The following RABGAP1L variants were observed in gnomAD, a reference collection of about 807,000 sequenced individuals.
RABGAP1L encodes RAB GTPase activating protein 1 like, also known as rab GTPase-activating protein 1-like.
In RABGAP1L, 63 loss-of-function variants were observed where a neutral mutation model predicts 137.7. The ratio of observed to expected loss-of-function variants is 0.46; its 90% CI spans 0.37 to 0.56. The LOEUF (loss-of-function observed/expected upper bound fraction) is 0.56. Among genes scored for constraint, RABGAP1L ranks in the 20% least tolerant of loss-of-function variants. RABGAP1L has a pLI of 0.00. For missense variants in RABGAP1L, 1,095 were observed against 1,244.0 expected (o/e 0.88, Z 1.80); for synonymous variants, 431 against 433.7 (o/e 0.99, Z 0.08).
intron 18 of RABGAP1L, among the ~76,000 whole-genome samples, chr1:174,778,482 A>G (rs1292901167): frequency 6.6e-6 from 1 of 152,144 alleles, no homozygotes; most frequent in Non-Finnish European, 1.5e-5. Context: ...AATGGTACCT[A>G]TGTGGGTAAA....
chr1:174,880,989 A>G (rs569953071), intron 19 of RABGAP1L, among the ~76,000 whole-genome samples: 3 of 152,312 alleles, frequency 2.0e-5, no homozygotes, highest in Non-Finnish European at 4.4e-5. Flanking sequence ...GCAGCAGAGT[A>G]TAGAGGACAG....
intron 19 of RABGAP1L, among the ~76,000 whole-genome samples, chr1:174,891,387 G>A (rs1656112950): frequency 6.6e-6 from 1 of 152,124 alleles, no homozygotes; most frequent in South Asian, 2.1e-4. Context: ...TTTTGAGTAG[G>A]GAAATGATAT....
Position 174,988,629 on chromosome 1 carries a change from T to C in RABGAP1L, c.2806-12T>C. The C allele has an allele frequency of 6.6e-7, 1 of 1,509,522 alleles. No homozygotes were observed. The highest frequency in any genetic ancestry group is 1.3e-5 in the South Asian group (1 of 77,228). 93.5% of individuals were successfully genotyped at this position (1,509,522 alleles called of 1,614,324 possible). On this transcript the variant is annotated splice_polypyrimidine_tract_variant and intron_variant, in intron 24 of 25. Coordinates refer to ENST00000681986, the MANE Select transcript of RABGAP1L (RefSeq NM_001366446.1). Reference sequence around the variant, plus strand: ...ATAGTTTGATGTTGGTTATCTCTTTTGGATACTTTAGGGTAAGATGATGGC... The same window carrying C: ...ATAGTTTGATGTTGGTTATCTCTTTCGGATACTTTAGGGTAAGATGATGGC...
At chr1:174,890,841 C>T (rs1656015388) in intron 19 of RABGAP1L, among the ~76,000 whole-genome samples, 1 of 152,128 alleles carries the variant, frequency 6.6e-6, no homozygotes, top group African/African-American at 2.4e-5. Flanking sequence ...CATAGTATTT[C>T]ACTGTATAGA....
At chr1:174,291,783 C>T (rs528829195) in intron 10 of RABGAP1L, among the ~76,000 whole-genome samples, 3 of 151,678 alleles carry the variant, frequency 2.0e-5, no homozygotes, top group Non-Finnish European at 4.4e-5. Flanking sequence ...GTAGGATCTT[C>T]CTTTATTCCT....
chr1:174,786,856 G>A (rs1311654163), intron 18 of RABGAP1L, among the ~76,000 whole-genome samples: 1 of 151,880 alleles, frequency 6.6e-6, no homozygotes, highest in African/African-American at 2.4e-5. Flanking sequence ...ATTTCTTCAC[G>A]TGAGCATCAT....
intron 13 of RABGAP1L, among the ~76,000 whole-genome samples, chr1:174,424,351 TCA>T (rs879589501): frequency 1.3e-5 from 2 of 152,154 alleles, no homozygotes; most frequent in Non-Finnish European, 2.9e-5. Flanking sequence ...TTTTCTGTTC[TCA>T]GTGTGATGTT....
intron 13 of RABGAP1L, among the ~76,000 whole-genome samples, chr1:174,519,763 G>T (rs1663205006): frequency 6.6e-6 from 1 of 152,142 alleles, no homozygotes; most frequent in Non-Finnish European, 1.5e-5. Flanking sequence ...ATTGCTAACT[G>T]TGCGTAGGTT....
intron 18 of RABGAP1L, among the ~76,000 whole-genome samples, chr1:174,811,380 G>A (rs1472563544): frequency 2.0e-5 from 3 of 152,106 alleles, no homozygotes; most frequent in Non-Finnish European, 4.4e-5. Flanking sequence ...CTTCCCATTA[G>A]GTGTTTATTG....
At chr1:174,326,006 G>T (rs766396451) in intron 11 of RABGAP1L, among the ~76,000 whole-genome samples, 15 of 152,160 alleles carry the variant, frequency 9.9e-5, no homozygotes, top group Non-Finnish European at 4.4e-5. Flanking sequence ...GTCTAACCTG[G>T]GCTTAGGGTG....
intron 13 of RABGAP1L, among the ~76,000 whole-genome samples, chr1:174,476,765 G>C (rs565786469): frequency 1.3e-5 from 2 of 152,312 alleles, no homozygotes; most frequent in Admixed American, 1.3e-4. Flanking sequence ...TTCAGCAGCA[G>C]CACAAACCAA....
At chr1:174,550,999 C>CACATATATATAT (rs1349225848) in intron 13 of RABGAP1L, among the ~76,000 whole-genome samples, 1 of 86,372 alleles carries the variant, frequency 1.2e-5, no homozygotes, top group African/African-American at 8.3e-5. Context: ...TATATATACA[C>CACATATATATAT]ATATATATAT....
At chr1:174,213,416 C>CT (rs1445690767) in intron 1 of RABGAP1L, among the ~76,000 whole-genome samples, 1 of 152,150 alleles carries the variant, frequency 6.6e-6, no homozygotes, top group African/African-American at 2.4e-5. Flanking sequence ...CAGAGTGAGA[C>CT]TTACTCAAAC....
chr1:174,495,799 G>A (rs1324677231), intron 13 of RABGAP1L, among the ~76,000 whole-genome samples: 3 of 152,004 alleles, frequency 2.0e-5, no homozygotes, highest in Non-Finnish European at 2.9e-5. Context: ...ATGATGCTGC[G>A]GTGAAAATCC....
intron 17 of RABGAP1L, among the ~76,000 whole-genome samples, chr1:174,716,908 ACTTCGT>A (rs890628885): frequency 9.2e-5 from 14 of 152,160 alleles, no homozygotes; most frequent in African/African-American, 3.1e-4. Flanking sequence ...TTACTTACTT[ACTTCGT>A]GTAGTTGTTC....
chr1:174,876,674 T>C (rs935752007), intron 19 of RABGAP1L, among the ~76,000 whole-genome samples: 11 of 152,156 alleles, frequency 7.2e-5, no homozygotes, highest in Admixed American at 1.3e-4. Flanking sequence ...GCCTTAAAGA[T>C]AAAAGATGAA....
intron 15 of RABGAP1L, among the ~76,000 whole-genome samples, chr1:174,696,178 A>G (rs758992366): frequency 1.4e-4 from 21 of 152,126 alleles, no homozygotes; most frequent in South Asian, 1.0e-3. Context: ...GGATGGATCT[A>G]GAAATGCTTT....
At chr1:174,882,537 T>A (rs1292849078) in intron 19 of RABGAP1L, among the ~76,000 whole-genome samples, 4 of 152,222 alleles carry the variant, frequency 2.6e-5, no homozygotes, top group Admixed American at 2.0e-4. Flanking sequence ...TTCAATCGTT[T>A]AAAGGCTTTA....
intron 17 of RABGAP1L, among the ~76,000 whole-genome samples, chr1:174,747,023 C>T (rs1264091119): frequency 1.3e-5 from 2 of 152,052 alleles, no homozygotes; most frequent in Non-Finnish European, 2.9e-5. Context: ...CATGTTTTCC[C>T]CTTAAGAACA....
Sources: gnomAD v4.1 joint callset for allele counts (sites outside exome capture counted in the v4.1 genomes callset) on GRCh38, gnomAD v4.1.1 for gene constraint, MANE v1.5 for transcripts, NCBI Gene and HGNC (gene_info 2026-07-23, HGNC 2026-07-21) for gene names.